The following MRNIP variants were observed in gnomAD, a reference collection of about 807,000 sequenced individuals.
The protein encoded by MRNIP is MRN complex-interacting protein.
Under a neutral mutation model 29.8 loss-of-function variants are expected in MRNIP, and 30 were observed. The ratio of observed to expected loss-of-function variants is 1.01; its 90% CI spans 0.75 to 1.36. The LOEUF is 1.36. Among genes scored for constraint, MRNIP ranks in the 40% most tolerant of loss-of-function variants. The probability of loss-of-function intolerance (pLI) is 0.00; values close to 1 mark genes in which losing one functional copy is unlikely to be tolerated. For missense variants in MRNIP, 459 were observed against 423.5 expected (o/e 1.08, Z -0.74); for synonymous variants, 201 against 164.1 (o/e 1.23, Z -1.72).
At chr5:179,854,996 G>A (rs1039714895) in intron 1 of MRNIP, among the ~76,000 whole-genome samples, 14 of 152,266 alleles carry the variant, frequency 9.2e-5, no homozygotes, top group African/African-American at 3.1e-4. Flanking sequence ...GGAATTAGAA[G>A]AAAGTTGTAA....
intron 4 of MRNIP, among the ~76,000 whole-genome samples, chr5:179,842,981 T>C (rs190598976): frequency 7.0e-4 from 99 of 142,286 alleles, no homozygotes; most frequent in Admixed American, 1.4e-3. Flanking sequence ...TGCAGTGAGC[T>C]GAGATCACGC....
intron 1 of MRNIP, among the ~76,000 whole-genome samples, chr5:179,857,034 T>C (rs908402893): frequency 6.6e-6 from 1 of 152,260 alleles, no homozygotes; most frequent in South Asian, 2.1e-4. Context: ...TGCAGCGAGC[T>C]GTGATTGTTA....
chr5:179,852,325 T>C (rs1015371238), intron 2 of MRNIP, among the ~76,000 whole-genome samples: 7 of 152,030 alleles, frequency 4.6e-5, no homozygotes, highest in Non-Finnish European at 8.8e-5. Flanking sequence ...ATTTAACTTT[T>C]AGGACTTTGT....
Position 179,837,310 on chromosome 5 carries a change from C to G in MRNIP, c.*81G>C, listed in dbSNP as rs1464407967. 2 of 1,598,646 alleles carry G rather than the reference C, an allele frequency of 1.3e-6. No homozygotes were observed. Among genetic ancestry groups the G allele is most frequent in the African/African-American group, 1.3e-5 (1 of 74,320 alleles). On this transcript the variant is annotated 3_prime_UTR_variant, in exon 7 of 7. Coordinates refer to ENST00000292586, the MANE Select transcript of MRNIP (RefSeq NM_016175.4). ...GTAAGTTTATTGTTAATGGTTCTTACAGAGTATCTTTAAAAGTGCCTTAGG... is the reference window on the plus strand; with the variant it reads ...GTAAGTTTATTGTTAATGGTTCTTAGAGAGTATCTTTAAAAGTGCCTTAGG...
intron 2 of MRNIP, 71 bp from the exon 3 acceptor site, chr5:179,848,137 T>G: frequency 8.6e-7 from 1 of 1,167,974 alleles, no homozygotes; most frequent in Non-Finnish European, 1.3e-6. Context: ...CCATTTGAGA[T>G]GCACCTCAGG....
intron 1 of MRNIP, among the ~76,000 whole-genome samples, chr5:179,856,920 T>C (rs1189427106): frequency 6.6e-6 from 1 of 151,828 alleles, no homozygotes; most frequent in Non-Finnish European, 1.5e-5. Flanking sequence ...CGAAACCTCA[T>C]TCCTACAAAA....
chr5:179,846,311 G>T (rs1449038973), intron 3 of MRNIP, among the ~76,000 whole-genome samples: 2 of 150,310 alleles, frequency 1.3e-5, no homozygotes, highest in African/African-American at 4.9e-5. Flanking sequence ...TTGAGATGGA[G>T]TCTCACTCTA....
intron 2 of MRNIP, among the ~76,000 whole-genome samples, chr5:179,850,253 G>A (rs867859139): frequency 3.3e-5 from 5 of 152,302 alleles, no homozygotes; most frequent in Middle Eastern, 3.4e-3. Context: ...GGTACGAGAT[G>A]GAATTTGAGA....
intron 2 of MRNIP, among the ~76,000 whole-genome samples, chr5:179,849,067 C>T (rs567252051): frequency 1.4e-3 from 163 of 113,326 alleles, no homozygotes; most frequent in Non-Finnish European, 2.4e-3. Context: ...TTTGAGAGTA[C>T]GGGTCCTGCT....
At chr5:179,853,543 G>T in intron 1 of MRNIP, 106 bp from the exon 2 acceptor site, 2 of 840,222 alleles carry the variant, frequency 2.4e-6, no homozygotes, top group South Asian at 3.2e-5. Context: ...GGAGGCCGAG[G>T]CGGGCAGATC....
chr5:179,843,850 G>C (rs554760544), intron 4 of MRNIP, among the ~76,000 whole-genome samples: 1 of 152,296 alleles, frequency 6.6e-6, no homozygotes, highest in African/African-American at 2.4e-5. Flanking sequence ...GGTATGCCCA[G>C]AGTGCTGTGG....
chr5:179,842,597 G>A (rs1434761808), intron 4 of MRNIP, among the ~76,000 whole-genome samples: 1 of 149,804 alleles, frequency 6.7e-6, no homozygotes, highest in Non-Finnish European at 1.5e-5. Context: ...CTACTCAGGA[G>A]GCTGAGGCAG....
chr5:179,856,397 A>G (rs111466052), intron 1 of MRNIP, among the ~76,000 whole-genome samples: 1 of 152,302 alleles, frequency 6.6e-6, no homozygotes, highest in Admixed American at 6.5e-5. Context: ...TAAACGTGTT[A>G]AAGTAGTACA....
In MRNIP at chr5:179,844,241, C is replaced by T. The variant is rs1031532357; in HGVS notation, c.216-14G>A. 46 of 1,608,636 alleles carry T rather than the reference C, an allele frequency of 2.9e-5. No homozygotes were observed. The highest frequency in any genetic ancestry group is 3.7e-5 in the Non-Finnish European group (43 of 1,175,278). The stretch of plus-strand genomic sequence containing the variant: ...TCTTCTAGAGACCTTCAGGGAAGAC[C>T]ATACATATGCCCTTTGAAAAATGAC... On this transcript the variant is annotated splice_polypyrimidine_tract_variant and intron_variant, in intron 3 of 6. Transcript: ENST00000292586.
At chr5:179,854,113 C>T (rs897620938) in intron 1 of MRNIP, among the ~76,000 whole-genome samples, 15 of 151,298 alleles carry the variant, frequency 9.9e-5, no homozygotes, top group Admixed American at 7.3e-4. Context: ...CTCCCCCTCC[C>T]GGGTTCACGC....
intron 1 of MRNIP, among the ~76,000 whole-genome samples, chr5:179,854,210 CG>C (rs1302166846): frequency 6.6e-6 from 1 of 150,740 alleles, no homozygotes; most frequent in Non-Finnish European, 1.5e-5. Flanking sequence ...TTAGTAGAGA[CG>C]GGGTTTCACC....
chr5:179,840,857 CTGTT>C lies in MRNIP; in HGVS notation c.537+11_537+14del, dbSNP rs762870996. The C allele has an allele frequency of 2.0e-5, 32 of 1,576,296 alleles. No individual in the cohort carries two copies. The highest frequency in any genetic ancestry group is 6.7e-5 in the Admixed American group (4 of 59,330). ...AGTGGTCACTGGGACCAGAGAGAAA[CTGTT>C]TGTCACTGACCTTCTGGGGTCCCCA... On this transcript the variant is annotated intron_variant, in intron 6 of 6. Coordinates refer to ENST00000292586, the MANE Select transcript of MRNIP (RefSeq NM_016175.4).
At chr5:179,853,942 C>T (rs1759480364) in intron 1 of MRNIP, among the ~76,000 whole-genome samples, 1 of 151,584 alleles carries the variant, frequency 6.6e-6, no homozygotes, top group Non-Finnish European at 1.5e-5. Flanking sequence ...AAACTCCTGA[C>T]CTCAAGTGAT....
chr5:179,858,766 G>A lies in MRNIP; in HGVS notation c.31C>T (p.Arg11Cys), dbSNP rs770573788. Residue 11 changes from arginine to cysteine, a missense_variant, in exon 1 of 7, where the codon CGC (arginine) becomes TGC (cysteine). Transcript: ENST00000292586. ...TGGAAGAGGCGGCAGCTGCAGCAGC[G>A]TAGCACCCGAGAACGCTGAAGCGAC... The part of the protein sequence containing the change: MASLQRSRVL[R>C]CCSCRLFQAH... The A allele has an allele frequency of 1.3e-6, 2 of 1,538,310 alleles. No homozygotes were observed. The highest frequency in any genetic ancestry group is 1.8e-6 in the Non-Finnish European group (2 of 1,142,590).
Sources: allele counts gnomAD v4.1 joint callset (sites outside exome capture counted in the v4.1 genomes callset), GRCh38; gene constraint gnomAD v4.1.1; transcripts MANE v1.5; gene names NCBI Gene and HGNC (gene_info 2026-07-23, HGNC 2026-07-21).